Variants in DCLK1 observed in about 807,000 individuals in gnomAD.
DCLK1 encodes the protein serine/threonine-protein kinase DCLK1.
In DCLK1, 16 loss-of-function variants were observed where a neutral mutation model predicts 86.2. That is an observed-to-expected ratio of 0.19 (90% confidence interval 0.13 to 0.28). The LOEUF is 0.28. DCLK1 is among the 10% of genes least tolerant of loss of function. The pLI, the probability that DCLK1 is intolerant of heterozygous loss-of-function variation, is 1.00. For missense variants in DCLK1, 590 were observed against 940.2 expected (o/e 0.63, Z 4.87); for synonymous variants, 369 against 370.5 (o/e 1.00, Z 0.05).
chr13:36,075,882 G>T (rs960024298), intron 3 of DCLK1, among the ~76,000 whole-genome samples: 11 of 151,906 alleles, frequency 7.2e-5, no homozygotes, highest in Non-Finnish European at 1.2e-4. Context: ...AAAATTAGCC[G>T]AACACAGTGG....
intron 5 of DCLK1, among the ~76,000 whole-genome samples, chr13:35,865,094 A>T (rs375338321): frequency 4.3e-4 from 66 of 152,298 alleles, no homozygotes; most frequent in African/African-American, 1.3e-3. Flanking sequence ...AAATTTTATC[A>T]GTCTTTATTA....
intron 3 of DCLK1, among the ~76,000 whole-genome samples, chr13:36,054,936 A>T (rs1883248639): frequency 6.6e-6 from 1 of 152,208 alleles, no homozygotes; most frequent in Non-Finnish European, 1.5e-5. Flanking sequence ...CCATGGCATC[A>T]TGAATCCTGC....
At chr13:36,015,402 A>T (rs1387415534) in intron 3 of DCLK1, among the ~76,000 whole-genome samples, 1 of 152,290 alleles carries the variant, frequency 6.6e-6, no homozygotes, top group East Asian at 1.9e-4. Context: ...AAACCCTCAA[A>T]TGAGCCAGCT....
Position 35,847,806 on chromosome 13 carries a change from T to C in DCLK1, c.1035+6693A>G, listed in dbSNP as rs1025106435. The C allele has an allele frequency of 9.1e-6, 9 of 985,070 alleles. No homozygotes were observed. In the East Asian group the frequency reaches 9.1e-4, roughly 99 times the overall value. The allele number at this position is 985,070 out of a possible 1,614,324, so 61.0% of individuals were successfully genotyped here. ...GGTTCTTAATATTTAGATGAGCCAA[T>C]ATATGCGCACAGGGATGTATACAGA... On this transcript the variant is annotated intron_variant, in intron 6 of 16. Coordinates refer to ENST00000360631, the MANE Select transcript of DCLK1 (RefSeq NM_001330071.2).
intron 5 of DCLK1, among the ~76,000 whole-genome samples, chr13:35,860,837 G>A (rs1566573014): frequency 6.6e-6 from 1 of 152,190 alleles, no homozygotes; most frequent in Non-Finnish European, 1.5e-5. Flanking sequence ...GGTGATCCGG[G>A]AAAGTGGCAG....
chr13:36,130,741 C>T (rs1016653850), intron 1 of DCLK1, among the ~76,000 whole-genome samples: 5 of 151,936 alleles, frequency 3.3e-5, no homozygotes, highest in African/African-American at 1.2e-4. Flanking sequence ...TCCTTGGTTC[C>T]CGCTCCGCAG....
At chr13:35,813,818 T>G (rs2087206063) in intron 11 of DCLK1, among the ~76,000 whole-genome samples, 1 of 134,504 alleles carries the variant, frequency 7.4e-6, no homozygotes, top group South Asian at 2.4e-4. Flanking sequence ...GGAGAGAAAA[T>G]AAGAGCTTAA....
chr13:35,830,688 G>A (rs1868881669), intron 8 of DCLK1, among the ~76,000 whole-genome samples: 1 of 152,188 alleles, frequency 6.6e-6, no homozygotes, highest in African/African-American at 2.4e-5. Context: ...TGGATGGCAG[G>A]GAATCTAGAC....
chr13:36,045,855 GA>G (rs200260724), intron 3 of DCLK1, among the ~76,000 whole-genome samples: 3,884 of 136,930 alleles, frequency 0.028, 43 homozygotes, highest in South Asian at 0.065. Context: ...TCCAAGTCAA[GA>G]AAAAAAAAAA....
intron 3 of DCLK1, among the ~76,000 whole-genome samples, chr13:36,076,868 T>C (rs1019091108): frequency 6.6e-6 from 1 of 152,306 alleles, no homozygotes; most frequent in Non-Finnish European, 1.5e-5. Context: ...AAAAGAATAA[T>C]GGGCCAAAAC....
chr13:36,079,865 G>C (rs1295660134), intron 3 of DCLK1, among the ~76,000 whole-genome samples: 1 of 152,186 alleles, frequency 6.6e-6, no homozygotes, highest in Non-Finnish European at 1.5e-5. Flanking sequence ...AGTAGTAGCT[G>C]TACCTTACCC....
chr13:36,101,900 C>T (rs1268687846), intron 3 of DCLK1, among the ~76,000 whole-genome samples: 2 of 152,056 alleles, frequency 1.3e-5, no homozygotes, highest in Admixed American at 6.6e-5. Flanking sequence ...CCCACCACCA[C>T]ACCTAGCTAA....
chr13:35,846,160 TG>T (rs1420241117), intron 6 of DCLK1: 17 of 985,182 alleles, frequency 1.7e-5, no homozygotes, highest in Non-Finnish European at 2.0e-5. Context: ...TAACACAAAA[TG>T]TTTTTTTTTA....
chr13:36,007,809 C>T (rs1881050540), intron 3 of DCLK1, among the ~76,000 whole-genome samples: 1 of 152,116 alleles, frequency 6.6e-6, no homozygotes, highest in Non-Finnish European at 1.5e-5. Flanking sequence ...TTCTAAAGAG[C>T]ATATCCATCT....
At chr13:35,846,489 C>A in intron 6 of DCLK1, 1 of 985,314 alleles carries the variant, frequency 1.0e-6, no homozygotes, top group Non-Finnish European at 1.2e-6. Flanking sequence ...TATCCATAAT[C>A]TACTAAAATG....
chr13:35,847,622 AAAAAGAAAG>A, intron 6 of DCLK1: 25 of 860,992 alleles, frequency 2.9e-5, no homozygotes, highest in Non-Finnish European at 3.4e-5. Flanking sequence ...TTTAAGCAAA[AAAAAGAAAG>A]AAAGAAAGAA....
At chr13:35,850,561 C>A (rs10507433) in intron 6 of DCLK1, 2 of 1,262,062 alleles carry the variant, frequency 1.6e-6, no homozygotes, top group Non-Finnish European at 1.0e-6. Flanking sequence ...TTGAACATCA[C>A]GAAAACAAAA....
At chr13:36,111,664 T>C (rs914669840) in intron 3 of DCLK1, among the ~76,000 whole-genome samples, 18 of 152,204 alleles carry the variant, frequency 1.2e-4, no homozygotes, top group Non-Finnish European at 2.5e-4. Context: ...TTCAAAGATA[T>C]GCATTTTTTT....
chr13:35,916,640 G>A (rs559733824), intron 4 of DCLK1, among the ~76,000 whole-genome samples: 2 of 150,938 alleles, frequency 1.3e-5, no homozygotes, highest in African/African-American at 4.9e-5. Flanking sequence ...CTCCCTCTAT[G>A]TCTCTGTAGA....
Sources: gnomAD v4.1 joint callset for allele counts (sites outside exome capture counted in the v4.1 genomes callset) on GRCh38, gnomAD v4.1.1 for gene constraint, MANE v1.5 for transcripts, NCBI Gene and HGNC (gene_info 2026-07-23, HGNC 2026-07-21) for gene names.